RPL19: variants seen among roughly 807,000 people sequenced by gnomAD.
The protein encoded by RPL19 is large ribosomal subunit protein eL19.
RPL19 carries 2 observed loss-of-function variants against 25.1 expected under a neutral mutation model. The observed-to-expected ratio is 0.08, with a 90% CI of 0.03 to 0.25. RPL19 has a LOEUF of 0.25. RPL19 is among the 10% of genes least tolerant of loss of function. The pLI is 1.00. For synonymous variants in RPL19, 89 were observed against 91.2 expected, an observed-to-expected ratio of 0.98 and a Z score of 0.14; for missense variants, 123 against 271.8, an observed-to-expected ratio of 0.45 and a Z score of 3.85.
chr17:39,200,406 T>A, intron 1 of RPL19, 57 bp downstream of exon 1: 1 of 1,494,982 alleles, frequency 6.7e-7, no homozygotes, highest in Non-Finnish European at 8.9e-7. Context: ...GGACTGTCGG[T>A]CTTGGGACCG....
At position 39,200,308 on chromosome 17, in the gene RPL19, G is replaced by A. The variant is rs114881037; in HGVS notation, c.-37G>A. The A allele has an allele frequency of 1.4e-3, 2,093 of 1,533,624 alleles. 28 individuals are homozygous for A. In the African/African-American group the frequency reaches 0.024, roughly 18 times the overall value. ...GCAGATAATGGGAGGAGCCGGGCCC[G>A]AGCGAGCTCTTTCCTTTCGCTGCTG... On this transcript the variant is annotated 5_prime_UTR_variant, in exon 1 of 6. Coordinates refer to ENST00000225430, the MANE Select transcript of RPL19 (RefSeq NM_000981.4).
intron 4 of RPL19, 65 bp from the exon 5 acceptor site, chr17:39,204,012 A>G: frequency 1.2e-6 from 1 of 860,422 alleles, no homozygotes; most frequent in Non-Finnish European, 2.0e-6. Context: ...GGGTGGAGGA[A>G]CAGCTCACAA....
chr17:39,202,543 C>G, intron 3 of RPL19, 104 bp downstream of exon 3: 2 of 1,400,598 alleles, frequency 1.4e-6, no homozygotes, highest in Non-Finnish European at 2.0e-6. Flanking sequence ...CTGTTTCTTA[C>G]TCCTTGATAT....
Position 39,202,330 on chromosome 17 carries a change from G to C in RPL19, c.126G>C (p.Arg42=), listed in dbSNP as rs538421498. The part of the protein sequence containing the change: ...IANANSRQQI[R]KLIKDGLIIR... ...ATGCTTTCCCAGGTCAGCAGATCCG[G>C]AAGCTCATCAAAGATGGGCTGATCA... The change falls in exon 3 of 6, where the codon CGG becomes CGC. Residue 42 remains arginine (R), a synonymous_variant. Transcript: ENST00000225430. 9.0e-5 allele frequency: 146 copies of C among 1,613,922 alleles called. No homozygotes were observed. The highest frequency in any genetic ancestry group is 1.2e-4 in the Non-Finnish European group (141 of 1,179,986).
intron 1 of RPL19, 40 bp downstream of exon 1, chr17:39,200,389 C>G (rs1237226991): frequency 6.5e-7 from 1 of 1,536,796 alleles, no homozygotes; most frequent in African/African-American, 1.4e-5. Context: ...TGACGCGTGT[C>G]GACAAGGGAC....
rs2046311661 is a variant in RPL19 at position 39,204,588 on chromosome 17, C to G, written c.531C>G (p.Leu177=). The G allele has an allele frequency of 6.2e-7, 1 of 1,614,114 alleles. No homozygotes were observed. The highest frequency in any genetic ancestry group is 1.1e-5 in the South Asian group (1 of 91,082). ...KEARKRREER[L]QAKKEEIIKT... Reference sequence around the variant, plus strand: ...CACGCAAGCGCCGTGAAGAGCGCCTCCAGGCCAAGAAGGAGGAGATCATCA... The same window carrying G: ...CACGCAAGCGCCGTGAAGAGCGCCTGCAGGCCAAGAAGGAGGAGATCATCA... Residue 177 remains leucine (L), a synonymous_variant, in exon 6 of 6, where the codon CTC becomes CTG. Transcript: ENST00000225430.
intron 3 of RPL19, 100 bp from the exon 4 acceptor site, chr17:39,202,889 T>C: frequency 7.5e-7 from 1 of 1,331,002 alleles, no homozygotes. Flanking sequence ...TTGTGAGGAT[T>C]AAATGAGTTA....
chr17:39,201,081 C>T (rs1400586751), intron 1 of RPL19, 132 bp from the exon 2 acceptor site: 2 of 700,350 alleles, frequency 2.9e-6, no homozygotes, highest in Non-Finnish European at 5.0e-6. Context: ...AGCCCAGAGC[C>T]TTAAAGATGA....
chr17:39,200,444 A>G, intron 1 of RPL19, 95 bp downstream of exon 1: 2 of 1,246,564 alleles, frequency 1.6e-6, no homozygotes, highest in Admixed American at 4.2e-5. Flanking sequence ...GATGAAATGG[A>G]GGCCGCCCTA....
chr17:39,201,167 C>T (rs113952166), intron 1 of RPL19, 46 bp from the exon 2 acceptor site: 5 of 1,327,642 alleles, frequency 3.8e-6, no homozygotes, highest in Non-Finnish European at 5.4e-6. Context: ...TTCATTCTTG[C>T]CCAGGATTGG....
chr17:39,200,305 C>A lies in RPL19; in HGVS notation c.-40C>A. On this transcript the variant is annotated 5_prime_UTR_variant, in exon 1 of 6. Transcript: ENST00000225430. ...TTCGCAGATAATGGGAGGAGCCGGG[C>A]CCGAGCGAGCTCTTTCCTTTCGCTG... is the stretch of plus-strand genomic sequence containing the variant. The A allele has an allele frequency of 6.6e-7, 1 of 1,526,124 alleles. No individual in the cohort carries two copies. The allele number at this position is 1,526,124 out of a possible 1,614,324, so 94.5% of individuals were successfully genotyped here.
intron 3 of RPL19, chr17:39,202,734 C>T (rs2046299795): frequency 5.8e-6 from 3 of 520,014 alleles, no homozygotes; most frequent in Non-Finnish European, 6.8e-6. Flanking sequence ...TGCCTTGGTG[C>T]ACTGCCTGTT....
chr17:39,200,628 A>G, intron 1 of RPL19: 1 of 1,202,254 alleles, frequency 8.3e-7, no homozygotes, highest in Non-Finnish European at 1.0e-6. Context: ...CGGAGCGAAC[A>G]AGACCAAGCC....
intron 2 of RPL19, among the ~76,000 whole-genome samples, 188 bp downstream of exon 2, chr17:39,201,507 C>G (rs1442152693): frequency 6.6e-6 from 1 of 151,924 alleles, no homozygotes; most frequent in Non-Finnish European, 1.5e-5. Context: ...ATTCTCCCAC[C>G]TCAGCCTCCT....
In RPL19 at chr17:39,202,354, C is replaced by G; in HGVS notation, c.150C>G (p.Ile50Met). Reference sequence around the variant, plus strand: ...GGAAGCTCATCAAAGATGGGCTGATCATCCGCAAGCCTGTGACGGTCCATT... The same window carrying G: ...GGAAGCTCATCAAAGATGGGCTGATGATCCGCAAGCCTGTGACGGTCCATT... The part of the protein sequence containing the change: ...QIRKLIKDGL[I>M]IRKPVTVHSR... Residue 50 changes from isoleucine (I) to methionine (M), a missense_variant, in exon 3 of 6, where the codon ATC (isoleucine) becomes ATG (methionine). Transcript: ENST00000225430. The G allele has an allele frequency of 1.2e-6, 2 of 1,614,128 alleles. No individual in the cohort carries two copies. The highest frequency in any genetic ancestry group is 1.7e-6 in the Non-Finnish European group (2 of 1,180,014).
chr17:39,201,852 G>A (rs1408534558), intron 2 of RPL19, among the ~76,000 whole-genome samples: 5 of 152,124 alleles, frequency 3.3e-5, no homozygotes, highest in Admixed American at 2.0e-4. Context: ...GATTATCGAC[G>A]TGAGCCACCA....
At position 39,204,064 on chromosome 17, in the gene RPL19, G is replaced by T. The variant is rs1032576064; in HGVS notation, c.357-13G>T. 1 of 1,494,136 alleles carries T rather than the reference G, an allele frequency of 6.7e-7. No homozygotes were observed. The highest frequency in any genetic ancestry group is 9.3e-7 in the Non-Finnish European group (1 of 1,071,018). 92.6% of individuals were successfully genotyped at this position (1,494,136 alleles called of 1,614,324 possible). ...TCACCAACCAGCATCTCTTCACTCC[G>T]TGTACCCTGCAGGTATCACAGCCTG... On this transcript the variant is annotated splice_polypyrimidine_tract_variant and intron_variant, in intron 4 of 5. Coordinates refer to ENST00000225430, the MANE Select transcript of RPL19 (RefSeq NM_000981.4).
chr17:39,204,710 A>G lies in RPL19; in HGVS notation c.*62A>G. On this transcript the variant is annotated 3_prime_UTR_variant, in exon 6 of 6. Coordinates refer to ENST00000225430, the MANE Select transcript of RPL19 (RefSeq NM_000981.4). ...ATTACATAGATCAGCCATTAAAATA[A>G]AACAAGCCTTAATCTGCCTTCCTCT... 3 of 1,542,598 alleles carry G rather than the reference A, an allele frequency of 1.9e-6. No homozygotes were observed. The highest frequency in any genetic ancestry group is 2.7e-6 in the Non-Finnish European group (3 of 1,126,752).
intron 1 of RPL19, 101 bp from the exon 2 acceptor site, chr17:39,201,112 C>T (rs2046284456): frequency 3.9e-6 from 3 of 765,946 alleles, no homozygotes; most frequent in Non-Finnish European, 6.7e-6. Context: ...AGTCTTATTT[C>T]GCGGCTGTGG....
Sources: allele counts gnomAD v4.1 joint callset (sites outside exome capture counted in the v4.1 genomes callset), GRCh38; gene constraint gnomAD v4.1.1; transcripts MANE v1.5; gene names NCBI Gene and HGNC (gene_info 2026-07-23, HGNC 2026-07-21).